Variants in KDM5B observed in about 807,000 individuals in gnomAD.
KDM5B encodes the protein lysine demethylase 5B.
KDM5B carries 144 observed loss-of-function variants against 193.4 expected under a neutral mutation model. That is an observed-to-expected ratio of 0.74 (90% confidence interval 0.65 to 0.86). The LOEUF is 0.86. Among genes scored for constraint, KDM5B ranks in the 40% least tolerant of loss-of-function variants. The pLI, the probability that KDM5B is intolerant of heterozygous loss-of-function variation, is 0.00. For missense variants in KDM5B, 1,833 were observed against 1,886.9 expected (o/e 0.97, Z 0.53); for synonymous variants, 668 against 682.6 (o/e 0.98, Z 0.33).
At chr1:202,792,129 T>C (rs867706317) in intron 1 of KDM5B, among the ~76,000 whole-genome samples, 1 of 152,344 alleles carries the variant, frequency 6.6e-6, no homozygotes, top group Non-Finnish European at 1.5e-5. Context: ...TTTTCTGTAG[T>C]AGAACTGAGA....
rs983910560 is a variant in KDM5B at position 202,737,685 on chromosome 1, C to T, written c.3085-1293G>A. Among the ~76,000 whole-genome samples the T allele has an allele frequency of 7.9e-5, 12 of 152,216 alleles. No homozygotes were observed. The Middle Eastern group carries it at 0.01, about 129-fold the overall frequency. ...AGGAAATACAGAGAACAGAACACTCCACAAAGAAACAATCAAACAAATCCA... is the reference window on the plus strand; with the variant it reads ...AGGAAATACAGAGAACAGAACACTCTACAAAGAAACAATCAAACAAATCCA... On this transcript the variant is annotated intron_variant, in intron 20 of 26. Coordinates refer to ENST00000367265, the MANE Select transcript of KDM5B (RefSeq NM_006618.5).
chr1:202,789,937 A>G (rs1482145411), intron 1 of KDM5B, among the ~76,000 whole-genome samples: 2 of 152,144 alleles, frequency 1.3e-5, no homozygotes, highest in Non-Finnish European at 1.5e-5. Flanking sequence ...AAAAATAATA[A>G]TAAGGCTGAG....
chr1:202,731,958 T>C lies in KDM5B; in HGVS notation c.3910-19A>G. 6.5e-7 allele frequency: 1 copy of C among 1,533,782 alleles called. No individual in the cohort carries two copies. Among genetic ancestry groups the C allele is most frequent in the Non-Finnish European group, 9.0e-7 (1 of 1,110,870 alleles). ...GAGATACCTAATGGAGGGAAAACGT[T>C]TTATAATAAAATCTCTTCAGGATTA... is the stretch of plus-strand genomic sequence containing the variant. On this transcript the variant is annotated intron_variant, in intron 23 of 26. Transcript: ENST00000367265.
In KDM5B at chr1:202,756,482, CAAAA is replaced by C; in HGVS notation, c.1228_1231del (p.Phe410GlyfsTer3). On this transcript the variant is annotated frameshift_variant, in exon 10 of 27. Coordinates refer to ENST00000367265, the MANE Select transcript of KDM5B (RefSeq NM_006618.5). LOFTEE classifies it high-confidence loss of function. ...CTCCTCAATAGTGCTTACTAGTCTC[CAAAA>C]TTCTTTCTCAACAAGCTCTGTGGGG... is the stretch of plus-strand genomic sequence containing the variant. 6.2e-7 allele frequency: 1 copy of C among 1,608,610 alleles called. No homozygotes were observed. Among genetic ancestry groups the C allele is most frequent in the Non-Finnish European group, 8.5e-7 (1 of 1,177,696 alleles).
At chr1:202,733,310 A>C in intron 23 of KDM5B, 91 bp downstream of exon 23, 1 of 1,450,974 alleles carries the variant, frequency 6.9e-7, no homozygotes, top group Middle Eastern at 1.8e-4. Context: ...TGATCACACC[A>C]AGGGAATAGC....
chr1:202,729,037 T>A lies in KDM5B; in HGVS notation c.4634A>T (p.Ter1545LeuextTer10), dbSNP rs1362495758. The part of the protein sequence containing the change: ...CTVKDAPSRK[*>L] ...AGGGGGGTATCTGTTTTTGTGTTTT[T>A]ACTTTCGGCTTGGTGCGTCCTTCAC... The change falls in exon 27 of 27, where the codon TAA becomes TTA. Residue 1545 changes from the stop codon to leucine, a stop_lost. Coordinates refer to ENST00000367265, the MANE Select transcript of KDM5B (RefSeq NM_006618.5). 2 of 1,614,058 alleles carry A rather than the reference T, an allele frequency of 1.2e-6. No homozygotes were observed. The highest frequency in any genetic ancestry group is 2.2e-5 in the East Asian group (1 of 44,880).
At chr1:202,760,682 G>T in intron 7 of KDM5B, 109 bp from the exon 8 acceptor site, 1 of 684,966 alleles carries the variant, frequency 1.5e-6, no homozygotes, top group Non-Finnish European at 2.3e-6. Flanking sequence ...TCTACATCCT[G>T]CTACAAATGC....
intron 5 of KDM5B, among the ~76,000 whole-genome samples, chr1:202,765,046 G>C (rs1163267060): frequency 6.6e-6 from 1 of 152,126 alleles, no homozygotes; most frequent in East Asian, 1.9e-4. Flanking sequence ...GAAGGTTCTT[G>C]GTTCTTATCT....
At chr1:202,807,990 G>A in intron 1 of KDM5B, 112 bp downstream of exon 1, 1 of 1,114,796 alleles carries the variant, frequency 9.0e-7, no homozygotes, top group Non-Finnish European at 1.2e-6. Flanking sequence ...ACTTGACGAG[G>A]CCGGCGGGGC....
In KDM5B at chr1:202,746,223, C is replaced by A. The variant is rs1183447199; in HGVS notation, c.2117G>T (p.Cys706Phe). 6.2e-7 allele frequency: 1 copy of A among 1,613,690 alleles called. No homozygotes were observed. The highest frequency in any genetic ancestry group is 1.1e-5 in the South Asian group (1 of 91,078). The change falls in exon 15 of 27, where the codon TGT (cysteine) becomes TTT (phenylalanine). Residue 706 changes from cysteine (C) to phenylalanine (F), a missense_variant. Cys to Phe is a radical substitution (Grantham distance 205). Transcript: ENST00000367265. Reference sequence around the variant, plus strand: ...AACAAGAAGGCCAGGTTTACAAGAACAGGAGATGGCAGACATGAAGCATGT... The same window carrying A: ...AACAAGAAGGCCAGGTTTACAAGAAAAGGAGATGGCAGACATGAAGCATGT... Reference protein sequence around the residue: ...KTTCFMSAISCSCKPGLLVCL... With the variant: ...KTTCFMSAISFSCKPGLLVCL...
intron 12 of KDM5B, among the ~76,000 whole-genome samples, chr1:202,751,345 G>A (rs926671943): frequency 1.3e-5 from 2 of 151,900 alleles, no homozygotes; most frequent in South Asian, 2.1e-4. Context: ...CCTAGTGTAC[G>A]GTCCCCCAGA....
intron 20 of KDM5B, among the ~76,000 whole-genome samples, chr1:202,740,381 G>T (rs1371878136): frequency 3.8e-5 from 5 of 131,446 alleles, no homozygotes; most frequent in African/African-American, 1.3e-4. Flanking sequence ...CCTCCCTCCC[G>T]GACAGGGCAG....
At chr1:202,795,616 A>T (rs1657812260) in intron 1 of KDM5B, among the ~76,000 whole-genome samples, 1 of 151,774 alleles carries the variant, frequency 6.6e-6, no homozygotes. Context: ...GCACCATTGC[A>T]CTCAAACCTA....
In KDM5B at chr1:202,740,615, G is replaced by A. The variant is rs187801631; in HGVS notation, c.3084+59C>T. The A allele has an allele frequency of 1.0e-3, 1,488 of 1,494,466 alleles. 25 individuals carry two copies. In the East Asian group the frequency reaches 0.029, roughly 30 times the overall value. The allele number at this position is 1,494,466 out of a possible 1,614,324, so 92.6% of individuals were successfully genotyped here. ...CCCCCACCTCCCTCCCGGACGGGGC[G>A]CCAATATTGCTCTTTATGGATGCAC... On this transcript the variant is annotated intron_variant, in intron 20 of 26. Coordinates refer to ENST00000367265, the MANE Select transcript of KDM5B (RefSeq NM_006618.5).
At position 202,762,833 on chromosome 1, in the gene KDM5B, C is replaced by T. The variant is rs561659961; in HGVS notation, c.809-25G>A. 80 of 1,265,612 alleles carry T rather than the reference C, an allele frequency of 6.3e-5. 1 individual carries two copies. The South Asian group carries it at 9.2e-4, about 15-fold the overall frequency. 78.4% of individuals were successfully genotyped at this position (1,265,612 alleles called of 1,614,324 possible). On this transcript the variant is annotated intron_variant, in intron 6 of 26. Transcript: ENST00000367265. ...TCTGTAGGAGGCAATCCAAAATTAG[C>T]TCTTTATGATGCTTTTCTCCACTTC...
chr1:202,732,813 C>G (rs1218234811), intron 23 of KDM5B, among the ~76,000 whole-genome samples: 1 of 152,136 alleles, frequency 6.6e-6, no homozygotes, highest in Admixed American at 6.5e-5. Flanking sequence ...TCTTCACATT[C>G]TTTTACTGCA....
At chr1:202,787,181 A>G (rs1657448179) in intron 1 of KDM5B, among the ~76,000 whole-genome samples, 1 of 152,078 alleles carries the variant, frequency 6.6e-6, no homozygotes, top group Non-Finnish European at 1.5e-5. Flanking sequence ...TAATTTTTTA[A>G]AGAAATTTTT....
intron 1 of KDM5B, among the ~76,000 whole-genome samples, chr1:202,789,323 C>G (rs979576240): frequency 2.6e-5 from 4 of 151,962 alleles, no homozygotes; most frequent in African/African-American, 9.7e-5. Context: ...GAGTTCGAGA[C>G]CAGCCTGACC....
At chr1:202,781,387 T>C (rs148604387) in intron 1 of KDM5B, among the ~76,000 whole-genome samples, 1 of 152,330 alleles carries the variant, frequency 6.6e-6, no homozygotes, top group Non-Finnish European at 1.5e-5. Context: ...CATGATAAAA[T>C]GTTAAGCTAA....
Sources: gnomAD v4.1 joint callset for allele counts (sites outside exome capture counted in the v4.1 genomes callset) on GRCh38, gnomAD v4.1.1 for gene constraint, MANE v1.5 for transcripts, NCBI Gene and HGNC (gene_info 2026-07-23, HGNC 2026-07-21) for gene names.